The following G3BP1 variants were observed in gnomAD, a reference collection of about 807,000 sequenced individuals.
G3BP1 encodes the protein G3BP stress granule assembly factor 1.
Under a neutral mutation model 58.6 loss-of-function variants are expected in G3BP1, and 35 were observed. That is an observed-to-expected ratio of 0.60 (90% confidence interval 0.46 to 0.79). The LOEUF (loss-of-function observed/expected upper bound fraction) is 0.79, where lower values mean the gene tolerates loss of function less well. Among genes scored for constraint, G3BP1 ranks in the 30% least tolerant of loss-of-function variants. The probability of loss-of-function intolerance (pLI) is 0.00; values close to 1 mark genes in which losing one functional copy is unlikely to be tolerated. For missense variants in G3BP1, 523 were observed against 580.8 expected, an observed-to-expected ratio of 0.90 and a Z score of 1.02; for synonymous variants, 191 against 195.4, an observed-to-expected ratio of 0.98 and a Z score of 0.19.
chr5:151,812,457 G>A lies in G3BP1; in HGVS notation c.*8366G>A, dbSNP rs867394777. 40 of 152,224 alleles carry A rather than the reference G, an allele frequency of 2.6e-4. No homozygotes were observed. Among genetic ancestry groups the A allele is most frequent in the Middle Eastern group, 3.4e-3 (1 of 294 alleles). The allele number at this position is 152,224 out of a possible 1,614,324, so 9.4% of individuals were successfully genotyped here. A position where few individuals can be genotyped will look rare whatever the true frequency, so the allele number is the denominator to read the frequency against. ...GGATTTGCTCTTCTGCCTAAACATCGAACTAGGGAACTTTAAAGACAAAGG... is the reference window on the plus strand; with the variant it reads ...GGATTTGCTCTTCTGCCTAAACATCAAACTAGGGAACTTTAAAGACAAAGG... On this transcript the variant is annotated 3_prime_UTR_variant, in exon 12 of 12. Transcript: ENST00000356245.
At position 151,803,944 on chromosome 5, in the gene G3BP1, C is replaced by A. The variant is rs956847885; in HGVS notation, c.1254C>A (p.Ala418=). ...TCGAAGAGAAGAAGACTCGAGCTGC[C>A]AGGGAAGGCGACCGACGAGATAATC... ...LNVEEKKTRA[A]REGDRRDNRL... Residue 418 remains alanine (A), a synonymous_variant, in exon 12 of 12, where the codon GCC becomes GCA. Transcript: ENST00000356245. 1.9e-6 allele frequency: 3 copies of A among 1,613,808 alleles called. No individual in the cohort carries two copies. The African/African-American group carries it at 4.0e-5, about 22-fold the overall frequency.
chr5:151,803,988 G>A lies in G3BP1; in HGVS notation c.1298G>A (p.Gly433Asp). The change falls in exon 12 of 12, where the codon GGC becomes GAC. Residue 433 changes from glycine to aspartate, a missense_variant. Gly to Asp is a moderately conservative substitution (Grantham distance 94, BLOSUM62 -1). Coordinates refer to ENST00000356245, the MANE Select transcript of G3BP1 (RefSeq NM_005754.3). ...RRDNRLRGPG[G>D]PRGGLGGGMR... ...GATAATCGCCTTCGGGGACCTGGAG[G>A]CCCTCGAGGTGGGCTGGGTGGTGGA... 6.2e-7 allele frequency: 1 copy of A among 1,613,782 alleles called. No homozygotes were observed. Among genetic ancestry groups the A allele is most frequent in the Non-Finnish European group, 8.5e-7 (1 of 1,179,778 alleles).
chr5:151,799,322 C>T lies in G3BP1; in HGVS notation c.843+9C>T. 7.4e-7 allele frequency: 1 copy of T among 1,356,398 alleles called. No individual in the cohort carries two copies. Among genetic ancestry groups the T allele is most frequent in the Non-Finnish European group, 1.1e-6 (1 of 945,046 alleles). 84.0% of individuals were successfully genotyped at this position (1,356,398 alleles called of 1,614,324 possible). On this transcript the variant is annotated intron_variant, in intron 8 of 11. Transcript: ENST00000356245. ...AAGTACCAGCTTCACAGGTAAGGTC[C>T]TAATAAAACTTGTACATTAGGCAAA... is the stretch of plus-strand genomic sequence containing the variant.
rs1439580198 is a variant in G3BP1 at position 151,811,842 on chromosome 5, GT to G, written c.*7754del. 2.0e-5 allele frequency: 3 copies of G among 152,130 alleles called. No individual in the cohort carries two copies. Among genetic ancestry groups the G allele is most frequent in the African/African-American group, 7.2e-5 (3 of 41,430 alleles). The allele number at this position is 152,130 out of a possible 1,614,324, so 9.4% of individuals were successfully genotyped here. On this transcript the variant is annotated 3_prime_UTR_variant, in exon 12 of 12. Transcript: ENST00000356245. The stretch of plus-strand genomic sequence containing the variant: ...AACTGCAGCATTAAGGCCATACCAA[GT>G]TTATACATATATACAAAGAAATTTC...
rs139709043 is a variant in G3BP1 at position 151,772,012 on chromosome 5, G to A, written c.-74G>A. On this transcript the variant is annotated 5_prime_UTR_variant, in exon 1 of 12. Coordinates refer to ENST00000356245, the MANE Select transcript of G3BP1 (RefSeq NM_005754.3). ...TCCTCGGTGCTGTGGTGCAGAGCTA[G>A]TTCCTCTCCAGCTCAGCCGCGTAGG... 6.5e-6 allele frequency: 1 copy of A among 152,804 alleles called. No homozygotes were observed. The highest frequency in any genetic ancestry group is 2.4e-5 in the African/African-American group (1 of 41,594). 9.5% of individuals were successfully genotyped at this position (152,804 alleles called of 1,614,324 possible).
chr5:151,774,893 A>G (rs1234445350), intron 1 of G3BP1, among the ~76,000 whole-genome samples: 1 of 151,952 alleles, frequency 6.6e-6, no homozygotes, highest in East Asian at 1.9e-4. Context: ...GTGGCACACT[A>G]GGTTTATAAT....
intron 11 of G3BP1, among the ~76,000 whole-genome samples, chr5:151,802,667 C>A (rs1026477136): frequency 1.8e-4 from 27 of 152,220 alleles, no homozygotes; most frequent in African/African-American, 6.3e-4. Context: ...GGCACAGTGG[C>A]TCACGCCTGT....
intron 3 of G3BP1, 147 bp downstream of exon 3, chr5:151,790,551 T>G (rs1362647472): frequency 4.0e-6 from 2 of 505,438 alleles, no homozygotes; most frequent in Non-Finnish European, 3.5e-6. Flanking sequence ...ACTATTTGAT[T>G]AATATATTTG....
chr5:151,784,756 TGC>T (rs1191483637), intron 1 of G3BP1, among the ~76,000 whole-genome samples: 2 of 152,216 alleles, frequency 1.3e-5, no homozygotes, highest in Non-Finnish European at 2.9e-5. Context: ...AAAAAAGTAC[TGC>T]TACTGTTTCC....
chr5:151,779,367 G>GT (rs745718126), intron 1 of G3BP1, among the ~76,000 whole-genome samples: 3 of 150,970 alleles, frequency 2.0e-5, no homozygotes, highest in African/African-American at 4.9e-5. Flanking sequence ...GTTTTTTTTT[G>GT]TTTTTTCCAT....
chr5:151,805,660 A>G lies in G3BP1; in HGVS notation c.*1569A>G, dbSNP rs1762929594. 6.6e-6 allele frequency: 1 copy of G among 152,222 alleles called. No homozygotes were observed. The highest frequency in any genetic ancestry group is 6.5e-5 in the Admixed American group (1 of 15,286). 9.4% of individuals were successfully genotyped at this position (152,222 alleles called of 1,614,324 possible). A position where few individuals can be genotyped will look rare whatever the true frequency, so the allele number is the denominator to read the frequency against. ...CCAGTTTGGTTCCAGTTCCTCAAAT[A>G]TTTGAAAATTGGCAGCATCTCCTTT... On this transcript the variant is annotated 3_prime_UTR_variant, in exon 12 of 12. Coordinates refer to ENST00000356245, the MANE Select transcript of G3BP1 (RefSeq NM_005754.3).
Position 151,808,804 on chromosome 5 carries a change from A to G in G3BP1, c.*4713A>G, listed in dbSNP as rs1445453917. ...AGCCCACTTTTGGGGAAGGTTGCCT[A>G]TATTTTTGATAGTAATTAGATGGAA... is the stretch of plus-strand genomic sequence containing the variant. On this transcript the variant is annotated 3_prime_UTR_variant, in exon 12 of 12. Transcript: ENST00000356245. 2.6e-5 allele frequency: 4 copies of G among 152,144 alleles called. No homozygotes were observed. The highest frequency in any genetic ancestry group is 4.8e-5 in the African/African-American group (2 of 41,430). The allele number at this position is 152,144 out of a possible 1,614,324, so 9.4% of individuals were successfully genotyped here. A position where few individuals can be genotyped will look rare whatever the true frequency, so the allele number is the denominator to read the frequency against.
chr5:151,793,011 C>T (rs998643858), intron 4 of G3BP1, among the ~76,000 whole-genome samples: 3 of 152,134 alleles, frequency 2.0e-5, no homozygotes, highest in South Asian at 2.1e-4. Flanking sequence ...ATACCTACTG[C>T]GAGCAATCTT....
intron 2 of G3BP1, 134 bp from the exon 3 acceptor site, chr5:151,790,189 T>A: frequency 4.5e-6 from 2 of 440,394 alleles, no homozygotes; most frequent in Non-Finnish European, 8.3e-6. Context: ...TATGATTGCA[T>A]CACTGCACTC....
intron 1 of G3BP1, among the ~76,000 whole-genome samples, chr5:151,782,222 G>C (rs1762482251): frequency 6.6e-6 from 1 of 152,154 alleles, no homozygotes; most frequent in African/African-American, 2.4e-5. Context: ...GAATTGAGGT[G>C]AGAGAGATTA....
chr5:151,773,465 T>C (rs1762313004), intron 1 of G3BP1, among the ~76,000 whole-genome samples: 1 of 152,230 alleles, frequency 6.6e-6, no homozygotes, highest in Non-Finnish European at 1.5e-5. Flanking sequence ...GCATTTACTC[T>C]GCTGGGTTCT....
intron 11 of G3BP1, among the ~76,000 whole-genome samples, chr5:151,801,495 A>T (rs1181455864): frequency 6.6e-6 from 1 of 152,216 alleles, no homozygotes; most frequent in Non-Finnish European, 1.5e-5. Context: ...AATAATATTA[A>T]TTTACTAAGC....
intron 11 of G3BP1, 33 bp from the exon 12 acceptor site, chr5:151,803,852 T>G (rs1169692833): frequency 3.5e-6 from 5 of 1,413,860 alleles, no homozygotes; most frequent in Non-Finnish European, 4.0e-6. Flanking sequence ...AGCTCATCAG[T>G]ACTCTTAAGT....
In G3BP1 at chr5:151,806,727, A is replaced by G. The variant is rs1218219621; in HGVS notation, c.*2636A>G. On this transcript the variant is annotated 3_prime_UTR_variant, in exon 12 of 12. Transcript: ENST00000356245. ...TTCAGATTTTAAAATGAAAATTTTC[A>G]TCCGTAGGAATGGCCCAATGTATAG... 6.6e-6 allele frequency: 1 copy of G among 152,228 alleles called. No homozygotes were observed. The highest frequency in any genetic ancestry group is 1.5e-5 in the Non-Finnish European group (1 of 68,038). The allele number at this position is 152,228 out of a possible 1,614,324, so 9.4% of individuals were successfully genotyped here. A position where few individuals can be genotyped will look rare whatever the true frequency, so the allele number is the denominator to read the frequency against.
Sources: gnomAD v4.1 joint callset for allele counts (sites outside exome capture counted in the v4.1 genomes callset) on GRCh38, gnomAD v4.1.1 for gene constraint, MANE v1.5 for transcripts, NCBI Gene and HGNC (gene_info 2026-07-23, HGNC 2026-07-21) for gene names.